Variants in CTNNA2 observed in about 807,000 individuals in gnomAD.
CTNNA2 encodes the protein catenin alpha-2.
Under a neutral mutation model 101.0 loss-of-function variants are expected in CTNNA2, and 42 were observed. That is an observed-to-expected ratio of 0.42 (90% CI 0.32 to 0.54). CTNNA2 has a LOEUF of 0.54. Among genes scored for constraint, CTNNA2 ranks in the 20% least tolerant of loss-of-function variants. The pLI is 0.14. For synonymous variants in CTNNA2, 450 were observed against 456.4 expected (o/e 0.99, Z 0.18); for missense variants, 871 against 1,223.1 (o/e 0.71, Z 4.29).
chr2:80,447,857 G>T (rs1305197554), intron 9 of CTNNA2, among the ~76,000 whole-genome samples: 2 of 152,188 alleles, frequency 1.3e-5, no homozygotes, highest in African/African-American at 4.8e-5. Context: ...TGAAGATGAG[G>T]TATGGCTGAG....
intron 9 of CTNNA2, among the ~76,000 whole-genome samples, chr2:80,484,189 A>G (rs945106307): frequency 1.2e-4 from 18 of 152,234 alleles, no homozygotes; most frequent in African/African-American, 4.3e-4. Context: ...AAGTATGCTC[A>G]CTTATGTGTG....
At chr2:80,111,362 T>C (rs1222853035) in intron 7 of CTNNA2, among the ~76,000 whole-genome samples, 1 of 152,190 alleles carries the variant, frequency 6.6e-6, no homozygotes, top group African/African-American at 2.4e-5. Context: ...GAGAAATTGG[T>C]TTGCTGCAAT....
At chr2:80,093,768 T>C (rs1025042056) in intron 7 of CTNNA2, among the ~76,000 whole-genome samples, 2 of 152,212 alleles carry the variant, frequency 1.3e-5, no homozygotes, top group Admixed American at 1.3e-4. Context: ...ATGATGAGCA[T>C]TTTTTCATGT....
intron 7 of CTNNA2, among the ~76,000 whole-genome samples, chr2:80,250,203 GA>G (rs1447443362): frequency 4.3e-4 from 62 of 144,186 alleles, no homozygotes; most frequent in Non-Finnish European, 7.6e-4. Flanking sequence ...GAGAGAGAGA[GA>G]GTGTGTGTGT....
At chr2:79,392,471 A>T (rs573768410) in intron 4 of CTNNA2, among the ~76,000 whole-genome samples, 1 of 152,180 alleles carries the variant, frequency 6.6e-6, no homozygotes, top group African/African-American at 2.4e-5. Context: ...TCACTATTTT[A>T]GTTTACCTGT....
intron 7 of CTNNA2, among the ~76,000 whole-genome samples, chr2:79,912,610 G>T (rs1685888018): frequency 6.6e-6 from 1 of 152,208 alleles, no homozygotes; most frequent in Admixed American, 6.5e-5. Flanking sequence ...TTTTAGGAAA[G>T]CCTTGGCTAG....
intron 7 of CTNNA2, among the ~76,000 whole-genome samples, chr2:79,965,827 C>CAAAAAAAAAAAAAAAAAAAAAGAA (rs1690004507): frequency 1.3e-5 from 1 of 77,996 alleles, no homozygotes; most frequent in Non-Finnish European, 2.4e-5. Flanking sequence ...GAGACTATGT[C>CAAAAAAAAAAAAAAAAAAAAAGAA]AAAAAAAAAA....
intron 4 of CTNNA2, among the ~76,000 whole-genome samples, chr2:79,444,599 C>T (rs1678812007): frequency 6.6e-6 from 1 of 152,096 alleles, no homozygotes; most frequent in Non-Finnish European, 1.5e-5. Context: ...ACCCTATCCC[C>T]TATCTTATGA....
intron 9 of CTNNA2, among the ~76,000 whole-genome samples, chr2:80,519,859 C>G (rs1689391517): frequency 6.6e-6 from 1 of 152,152 alleles, no homozygotes; most frequent in African/African-American, 2.4e-5. Flanking sequence ...CCATAATGGC[C>G]AGGTGTCCTC....
chr2:79,455,638 A>G (rs1208970153), intron 4 of CTNNA2, among the ~76,000 whole-genome samples: 1 of 152,228 alleles, frequency 6.6e-6, no homozygotes, highest in East Asian at 1.9e-4. Flanking sequence ...CCTGGTTTGC[A>G]TAGAACTAGG....
chr2:80,621,683 T>A (rs758090910), intron 18 of CTNNA2, among the ~76,000 whole-genome samples: 1 of 151,916 alleles, frequency 6.6e-6, no homozygotes, highest in Non-Finnish European at 1.5e-5. Context: ...CTATGTAATA[T>A]TGCAGGAAAT....
chr2:80,308,844 C>CTGAGGTGGGCAGATCATCTGAGG (rs1324133938), intron 7 of CTNNA2, among the ~76,000 whole-genome samples: 3 of 152,170 alleles, frequency 2.0e-5, no homozygotes, highest in Non-Finnish European at 4.4e-5. Flanking sequence ...CTTTGGGAGG[C>CTGAGGTGGGCAGATCATCTGAGG]TGAGGTGGGC....
chr2:80,364,486 G>A (rs1674714783), intron 7 of CTNNA2, among the ~76,000 whole-genome samples: 1 of 150,418 alleles, frequency 6.6e-6, no homozygotes, highest in Non-Finnish European at 1.5e-5. Context: ...AATTATGGGT[G>A]TAATTTCAGT....
At chr2:80,126,367 G>T (rs568997299) in intron 7 of CTNNA2, among the ~76,000 whole-genome samples, 1 of 152,034 alleles carries the variant, frequency 6.6e-6, no homozygotes, top group South Asian at 2.1e-4. Flanking sequence ...TCCCCATAGA[G>T]TGAAAGTTAA....
chr2:80,385,008 C>G (rs1452741406), intron 7 of CTNNA2, among the ~76,000 whole-genome samples: 1 of 152,068 alleles, frequency 6.6e-6, no homozygotes, highest in Non-Finnish European at 1.5e-5. Context: ...TTAAGTGCAA[C>G]TAGATTCAGG....
chr2:80,032,492 A>G (rs1695355362), intron 7 of CTNNA2, among the ~76,000 whole-genome samples: 2 of 152,172 alleles, frequency 1.3e-5, no homozygotes, highest in Admixed American at 6.5e-5. Flanking sequence ...TGAAGTGAAA[A>G]TTTGGCAAAA....
intron 7 of CTNNA2, among the ~76,000 whole-genome samples, chr2:80,149,020 G>A (rs370928853): frequency 1.6e-5 from 2 of 121,746 alleles, no homozygotes; most frequent in Admixed American, 8.1e-5. Flanking sequence ...GACTTATTTT[G>A]TTATTTTTTT....
chr2:80,526,397 G>A (rs62141597), intron 9 of CTNNA2, among the ~76,000 whole-genome samples: 1 of 151,836 alleles, frequency 6.6e-6, no homozygotes, highest in Non-Finnish European at 1.5e-5. Context: ...ATGGAGTTTC[G>A]CCATGTTGGC....
intron 7 of CTNNA2, among the ~76,000 whole-genome samples, chr2:79,958,501 G>A (rs1689398980): frequency 1.3e-5 from 2 of 152,112 alleles, no homozygotes; most frequent in Admixed American, 6.6e-5. Flanking sequence ...TGCTGTTGCT[G>A]GGCTTGAAGA....
Sources: gnomAD v4.1 joint callset for allele counts (sites outside exome capture counted in the v4.1 genomes callset) on GRCh38, gnomAD v4.1.1 for gene constraint, MANE v1.5 for transcripts, NCBI Gene and HGNC (gene_info 2026-07-23, HGNC 2026-07-21) for gene names.